Variants in OLFM1 observed in about 807,000 individuals in gnomAD.
The protein encoded by OLFM1 is olfactomedin 1.
Under a neutral mutation model 49.7 loss-of-function variants are expected in OLFM1, and 9 were observed. The ratio of observed to expected loss-of-function variants is 0.18; its 90% CI spans 0.11 to 0.32. The LOEUF (loss-of-function observed/expected upper bound fraction) is 0.32, where lower values mean the gene tolerates loss of function less well. Ranked by LOEUF, OLFM1 falls within the 10% of genes least tolerant of loss-of-function variation. The pLI, the probability that OLFM1 is intolerant of heterozygous loss-of-function variation, is 1.00. For missense variants in OLFM1, 369 were observed against 661.8 expected, an observed-to-expected ratio of 0.56 and a Z score of 4.85; for synonymous variants, 240 against 271.8, an observed-to-expected ratio of 0.88 and a Z score of 1.15.
At chr9:135,089,371 A>T (rs1271570160) in intron 1 of OLFM1, among the ~76,000 whole-genome samples, 1 of 152,246 alleles carries the variant, frequency 6.6e-6, no homozygotes, top group Non-Finnish European at 1.5e-5. Flanking sequence ...TAGGGCCAGC[A>T]GCAGGATGGA....
rs774179848 is a variant in OLFM1, at chr9:135,080,040, G to A, written c.96+4238G>A. On this transcript the variant is annotated intron_variant, in intron 1 of 5. Coordinates refer to the OLFM1 transcript ENST00000252854. This position sits in a 1 kb window ranked among gnomAD's most constrained non-coding sequence, Gnocchi z 4.5. ...GAACAGGGCAGACGAGAAGACCAGG[G>A]AGGTGATGCTGACTTAGGCTTTCAG... Among the ~76,000 whole-genome samples the A allele has an allele frequency of 5.3e-5, 8 of 152,046 alleles. No homozygotes were observed. Among genetic ancestry groups the A allele is most frequent in the Admixed American group, 3.3e-4 (5 of 15,276 alleles).
intron 5 of OLFM1, among the ~76,000 whole-genome samples, chr9:135,111,733 C>T (rs563407955): frequency 2.0e-5 from 3 of 152,140 alleles, no homozygotes; most frequent in South Asian, 2.1e-4. Context: ...TTTTTTGAGA[C>T]GGAGTCTTGC....
chr9:135,087,479 C>T (rs1005617567), upstream of OLFM1: 3 of 1,507,022 alleles, frequency 2.0e-6, no homozygotes, highest in Non-Finnish European at 2.7e-6. Flanking sequence ...GTGTCCGTCT[C>T]CTCATGTCAC....
intron 5 of OLFM1, among the ~76,000 whole-genome samples, chr9:135,115,173 T>C (rs78418656): frequency 0.035 from 5,339 of 152,342 alleles, 185 homozygotes; most frequent in Middle Eastern, 0.044. Context: ...AAATATCCTC[T>C]ATTGTGGGAG....
rs1443994928 is a variant in OLFM1, at chr9:135,120,169, C to A, written c.1449C>A (p.Asp483Glu). The change falls in exon 6 of 6, where the codon GAC becomes GAA. Residue 483 changes from aspartate to glutamate, a missense_variant. Transcript: ENST00000371793. ...NVTLFHVIRS[D>E]EL ...CCCTCTTCCACGTCATCCGCTCCGA[C>A]GAGTTGTAGCTCCCTCCTCCTGGAA... 2.5e-6 allele frequency: 4 copies of A among 1,607,894 alleles called. No individual in the cohort carries two copies. The highest frequency in any genetic ancestry group is 2.7e-5 in the African/African-American group (2 of 74,880).
At position 135,106,792 on chromosome 9, in the gene OLFM1, G is replaced by A. The variant is rs1380373931; in HGVS notation, c.720G>A (p.Lys240=). The A allele has an allele frequency of 6.2e-7, 1 of 1,613,724 alleles. No individual in the cohort carries two copies. Among genetic ancestry groups the A allele is most frequent in the East Asian group, 2.2e-5 (1 of 44,874 alleles). The change falls in exon 5 of 6, where the codon AAG becomes AAA. Residue 240 remains lysine, a synonymous_variant. Transcript: ENST00000371793. ...LTGISDPVTV[K]TSGSRFGSWM... The stretch of plus-strand genomic sequence containing the variant: ...GCATCAGTGACCCCGTGACTGTCAA[G>A]ACCTCCGGCTCGAGGTTCGGATCCT...
At chr9:135,104,606 G>A (rs1018112273) in intron 4 of OLFM1, among the ~76,000 whole-genome samples, 2 of 152,174 alleles carry the variant, frequency 1.3e-5, no homozygotes, top group South Asian at 2.1e-4. Flanking sequence ...GAACCACGGC[G>A]TGGAAAGTCC....
rs373862002 is a variant in OLFM1, at chr9:135,090,123, T to G, written c.151-72T>G. 24 of 1,390,482 alleles carry G rather than the reference T, an allele frequency of 1.7e-5. No individual in the cohort carries two copies. In the East Asian group the frequency reaches 1.9e-4, roughly 11 times the overall value. The allele number at this position is 1,390,482 out of a possible 1,614,324, so 86.1% of individuals were successfully genotyped here. A position where few individuals can be genotyped will look rare whatever the true frequency, so the allele number is the denominator to read the frequency against. ...GATGTGGACAGTTTCCCCTGGTTGT[T>G]GGCTCTGATACACAACCTCATGGTC... On this transcript the variant is annotated intron_variant, in intron 1 of 5. Coordinates refer to ENST00000371793, the MANE Select transcript of OLFM1 (RefSeq NM_001282611.2).
chr9:135,104,478 G>A (rs1020003046), intron 4 of OLFM1, among the ~76,000 whole-genome samples: 1 of 152,240 alleles, frequency 6.6e-6, no homozygotes, highest in Middle Eastern at 3.2e-3. Context: ...CCAGCGTCAC[G>A]GAAGGCCCGG....
At chr9:135,087,505 TG>T, upstream of OLFM1, 1 of 1,417,954 alleles carries the variant, frequency 7.1e-7, no homozygotes, top group Middle Eastern at 1.8e-4. Flanking sequence ...TCCCAACTCC[TG>T]GGCGGACTGG....
At chr9:135,083,386 T>C (rs531330482), upstream of OLFM1, among the ~76,000 whole-genome samples, 106 of 152,080 alleles carry the variant, frequency 7.0e-4, no homozygotes, top group African/African-American at 2.5e-3. Context: ...GGAGGGTGCA[T>C]GAAGGGTCTG....
rs1424805777 is a variant in OLFM1 at position 135,117,395 on chromosome 9, T to G, written c.784-2109T>G. 2.0e-5 allele frequency among the ~76,000 whole-genome samples: 3 copies of G among 152,200 alleles called. No individual in the cohort carries two copies. Among genetic ancestry groups the G allele is most frequent in the African/African-American group, 7.2e-5 (3 of 41,468 alleles). ...CATCCCAAATGCCAAATTAATGACA[T>G]TCCGCCCTGCAGACAGGATGACTCA... On this transcript the variant is annotated intron_variant, in intron 5 of 5. Coordinates refer to ENST00000371793, the MANE Select transcript of OLFM1 (RefSeq NM_001282611.2). This position sits in a 1 kb window ranked among gnomAD's most constrained non-coding sequence, Gnocchi z 5.5.
At position 135,088,339 on chromosome 9, in the gene OLFM1, G is replaced by A. The variant is rs1830630670; in HGVS notation, c.150+200G>A. Among the ~76,000 whole-genome samples the A allele has an allele frequency of 1.3e-5, 2 of 151,844 alleles. No individual in the cohort carries two copies. ...CCTGCTCCCCGCTCCCCCAGCCTGG[G>A]CCACTCCATCTCCGCCCGCGCGCCC... On this transcript the variant is annotated intron_variant, in intron 1 of 5. Coordinates refer to ENST00000371793, the MANE Select transcript of OLFM1 (RefSeq NM_001282611.2). The surrounding 1 kb of genome is among the most constrained non-coding windows in gnomAD (Gnocchi z 4.8).
chr9:135,081,972 C>A (rs933167190), intron 1 of OLFM1, among the ~76,000 whole-genome samples: 4 of 152,218 alleles, frequency 2.6e-5, no homozygotes, highest in Non-Finnish European at 5.9e-5. Context: ...GACCCGTCCT[C>A]GTGTGTGGCT....
upstream of OLFM1, chr9:135,086,464 G>C: frequency 2.7e-6 from 1 of 374,752 alleles, no homozygotes; most frequent in Non-Finnish European, 5.3e-6. Flanking sequence ...TCAGGCGGGC[G>C]CCAGGGAGGC....
At chr9:135,084,502 CT>C (rs1478148626), upstream of OLFM1, among the ~76,000 whole-genome samples, 4 of 57,264 alleles carry the variant, frequency 7.0e-5, no homozygotes, top group Non-Finnish European at 1.1e-4. This position sits in a 1 kb window ranked among gnomAD's most constrained non-coding sequence, Gnocchi z 4.6. Flanking sequence ...CCTCTCTTCT[CT>C]CTCCTCTCTC....
At chr9:135,095,275 A>G (rs1407190573) in intron 2 of OLFM1, 1 of 152,378 alleles carries the variant, frequency 6.6e-6, no homozygotes, top group Non-Finnish European at 1.5e-5. Flanking sequence ...TGGATGGCAT[A>G]GCAGATAGGG....
chr9:135,092,283 G>C (rs1011763519), intron 2 of OLFM1, among the ~76,000 whole-genome samples: 2 of 152,186 alleles, frequency 1.3e-5, no homozygotes, highest in Non-Finnish European at 2.9e-5. Context: ...TGAAAGGTCC[G>C]AGTCACTGCC....
rs1831109689 is a variant in OLFM1, at chr9:135,117,339, TA to T, written c.784-2164del. ...TCTCGGAGAGGCACTTTTGCTGGAT[TA>T]GGGGTGACAATGAGTGATTACACTC... On this transcript the variant is annotated intron_variant, in intron 5 of 5. Transcript: ENST00000371793. The surrounding 1 kb of genome is among the most constrained non-coding windows in gnomAD (Gnocchi z 5.5). 1.3e-5 allele frequency among the ~76,000 whole-genome samples: 2 copies of T among 152,220 alleles called. No homozygotes were observed. Among genetic ancestry groups the T allele is most frequent in the Admixed American group, 6.5e-5 (1 of 15,282 alleles).
Sources: allele counts gnomAD v4.1 joint callset (sites outside exome capture counted in the v4.1 genomes callset), GRCh38; gene constraint gnomAD v4.1.1; non-coding constraint Gnocchi (gnomAD v3.1); transcripts MANE v1.5; gene names NCBI Gene and HGNC (gene_info 2026-07-23, HGNC 2026-07-21).